The following ZNF280D variants were observed in gnomAD, a reference collection of about 807,000 sequenced individuals.
The protein encoded by ZNF280D is zinc finger protein 280D.
In ZNF280D, 39 loss-of-function variants were observed where a neutral mutation model predicts 94.7. That is an observed-to-expected ratio of 0.41 (90% CI 0.32 to 0.54). The LOEUF (loss-of-function observed/expected upper bound fraction) is 0.54. ZNF280D is among the 20% of genes least tolerant of loss of function. The probability of loss-of-function intolerance (pLI) is 0.22; values close to 1 mark genes in which losing one functional copy is unlikely to be tolerated. For missense variants in ZNF280D, 1,090 were observed against 1,149.3 expected, an observed-to-expected ratio of 0.95 and a Z score of 0.75; for synonymous variants, 398 against 377.6, an observed-to-expected ratio of 1.05 and a Z score of -0.63.
At chr15:56,672,880 C>T (rs1339811369) in intron 13 of ZNF280D, among the ~76,000 whole-genome samples, 1 of 151,670 alleles carries the variant, frequency 6.6e-6, no homozygotes, top group Non-Finnish European at 1.5e-5. Flanking sequence ...CTCACTCTGT[C>T]ATCCAGGCTG....
intron 1 of ZNF280D, among the ~76,000 whole-genome samples, chr15:56,721,584 A>G (rs2058361657): frequency 6.6e-6 from 1 of 152,122 alleles, no homozygotes; most frequent in Admixed American, 6.5e-5. Context: ...TTCATCTTAT[A>G]CTTTTATGTT....
At chr15:56,684,890 G>T (rs529056091) in intron 9 of ZNF280D, among the ~76,000 whole-genome samples, 1 of 151,732 alleles carries the variant, frequency 6.6e-6, no homozygotes, top group Non-Finnish European at 1.5e-5. Context: ...ATGCCAGAGA[G>T]GACTCACCCA....
Position 56,703,618 on chromosome 15 carries a change from C to T in ZNF280D, c.175+503G>A, listed in dbSNP as rs111486905. Among the ~76,000 whole-genome samples, 57 of 152,188 alleles carry T rather than the reference C, an allele frequency of 3.7e-4. 1 individual carries two copies. The highest frequency in any genetic ancestry group is 1.3e-3 in the African/African-American group (55 of 41,526). Reference sequence around the variant, plus strand: ...CCTGTAATTTTAGCACTTGGGGAGTCCAAGGCAGGTGGATCATTTGAGCTC... The same window carrying T: ...CCTGTAATTTTAGCACTTGGGGAGTTCAAGGCAGGTGGATCATTTGAGCTC... On this transcript the variant is annotated intron_variant, in intron 4 of 21. Transcript: ENST00000267807.
intron 14 of ZNF280D, 120 bp downstream of exon 14, chr15:56,668,703 A>G: frequency 1.0e-6 from 1 of 956,188 alleles, no homozygotes; most frequent in Non-Finnish European, 1.5e-6. Context: ...ATTAAAACCT[A>G]AAATTAGAGT....
chr15:56,659,556 A>G (rs1348648408), intron 16 of ZNF280D, among the ~76,000 whole-genome samples: 5 of 152,206 alleles, frequency 3.3e-5, no homozygotes, highest in Admixed American at 2.6e-4. Flanking sequence ...ATAAACCTTT[A>G]TTATACATAG....
Position 56,631,660 on chromosome 15 carries a change from TACC to T in ZNF280D, c.2775_2777del (p.Val926del). On this transcript the variant is annotated inframe_deletion, in exon 22 of 22. Transcript: ENST00000267807. ...GAATCTCTGTGGCTTCATACTCAAGTACCTCGGATGGAGTCAGAGGTTCCAAAT... is the reference window on the plus strand; with the variant it reads ...GAATCTCTGTGGCTTCATACTCAAGTTCGGATGGAGTCAGAGGTTCCAAAT... The T allele has an allele frequency of 6.2e-7, 1 of 1,614,170 alleles. No individual in the cohort carries two copies. Among genetic ancestry groups the T allele is most frequent in the Non-Finnish European group, 8.5e-7 (1 of 1,180,018 alleles).
chr15:56,715,641 A>T (rs1020050201), intron 1 of ZNF280D, among the ~76,000 whole-genome samples: 6 of 152,172 alleles, frequency 3.9e-5, no homozygotes, highest in Admixed American at 1.3e-4. Flanking sequence ...GGAATATGTT[A>T]ATTAAATAAA....
intron 13 of ZNF280D, among the ~76,000 whole-genome samples, chr15:56,670,662 A>T (rs1038504613): frequency 3.3e-5 from 5 of 151,902 alleles, no homozygotes; most frequent in Admixed American, 2.0e-4. Context: ...ATGTGTGCAT[A>T]TGTCTTAACA....
intron 10 of ZNF280D, among the ~76,000 whole-genome samples, chr15:56,679,295 A>C (rs1338538822): frequency 6.6e-6 from 1 of 152,218 alleles, no homozygotes; most frequent in African/African-American, 2.4e-5. Context: ...AAATCTTTTA[A>C]GGCCTTGAAA....
chr15:56,663,739 C>T (rs762840396), intron 16 of ZNF280D, among the ~76,000 whole-genome samples: 1 of 152,040 alleles, frequency 6.6e-6, no homozygotes, highest in Non-Finnish European at 1.5e-5. Flanking sequence ...GTTCCCATCA[C>T]AAAGAAATGA....
chr15:56,701,228 G>C lies in ZNF280D; in HGVS notation c.186C>G (p.Asn62Lys). The change falls in exon 5 of 22, where the codon AAC becomes AAG. Residue 62 changes from asparagine to lysine, a missense_variant. Around this residue, in one of 3 missense-constraint regions of ZNF280D, gnomAD observed 386 missense variants for 372.0 expected, o/e 1.04. Coordinates refer to ENST00000267807, the MANE Select transcript of ZNF280D (RefSeq NM_017661.4). ...TTGAATATGAGCTGGGGTTAACTCT[G>C]TTCAAAATATCTATAAAAGATTATA... is the stretch of plus-strand genomic sequence containing the variant. ...SSKPAISNIL[N>K]RVNPSSYSRG... is the part of the protein sequence containing the mutation. 6 of 1,549,494 alleles carry C rather than the reference G, an allele frequency of 3.9e-6. No individual in the cohort carries two copies. The highest frequency in any genetic ancestry group is 5.3e-6 in the Non-Finnish European group (6 of 1,140,962).
chr15:56,648,964 C>T (rs1052913448), intron 19 of ZNF280D, among the ~76,000 whole-genome samples: 1 of 152,054 alleles, frequency 6.6e-6, no homozygotes, highest in Admixed American at 6.6e-5. Flanking sequence ...AATCTTAGAA[C>T]ACCAGGGTAT....
chr15:56,630,481 T>C lies in ZNF280D; in HGVS notation c.*1017A>G, dbSNP rs988800768. On this transcript the variant is annotated 3_prime_UTR_variant, in exon 22 of 22. Transcript: ENST00000267807. ...GCTAAATTTCCAAAACCAGTTCTTTTACATCACTGTTTTAGGTCCCATTTG... is the reference window on the plus strand; with the variant it reads ...GCTAAATTTCCAAAACCAGTTCTTTCACATCACTGTTTTAGGTCCCATTTG... 3.3e-5 allele frequency: 5 copies of C among 152,176 alleles called. No individual in the cohort carries two copies. Among genetic ancestry groups the C allele is most frequent in the African/African-American group, 1.2e-4 (5 of 41,466 alleles). 9.4% of individuals were successfully genotyped at this position (152,176 alleles called of 1,614,324 possible).
At chr15:56,702,291 C>T (rs865965894) in intron 4 of ZNF280D, among the ~76,000 whole-genome samples, 1 of 152,156 alleles carries the variant, frequency 6.6e-6, no homozygotes, top group Non-Finnish European at 1.5e-5. Flanking sequence ...AGAGCTATTG[C>T]TGTAGTACTA....
intron 1 of ZNF280D, among the ~76,000 whole-genome samples, chr15:56,728,297 G>A (rs1421583790): frequency 2.6e-5 from 4 of 152,162 alleles, no homozygotes; most frequent in African/African-American, 9.7e-5. Context: ...TGGGATTACA[G>A]GCATAAGCCA....
At chr15:56,699,674 A>C (rs548212154) in intron 6 of ZNF280D, 50 of 754,600 alleles carry the variant, frequency 6.6e-5, no homozygotes, top group Non-Finnish European at 7.9e-5. Context: ...GTAACAACAA[A>C]AAAAAATCAG....
At chr15:56,677,719 T>C (rs754210012) in intron 11 of ZNF280D, 45 bp from the exon 12 acceptor site, 3 of 803,848 alleles carry the variant, frequency 3.7e-6, no homozygotes, top group East Asian at 7.8e-5. Context: ...AAGATATTAA[T>C]ATAAAAATTA....
intron 6 of ZNF280D, among the ~76,000 whole-genome samples, chr15:56,696,072 C>A (rs572702937): frequency 6.6e-6 from 1 of 152,094 alleles, no homozygotes; most frequent in African/African-American, 2.4e-5. Flanking sequence ...TAAGAAGTTA[C>A]GGAAACAAGC....
At chr15:56,655,891 C>A (rs1424708577) in intron 17 of ZNF280D, among the ~76,000 whole-genome samples, 1 of 152,152 alleles carries the variant, frequency 6.6e-6, no homozygotes, top group Non-Finnish European at 1.5e-5. Context: ...ATTAAATGTA[C>A]AAATGATGTT....
Sources: allele counts gnomAD v4.1 joint callset (sites outside exome capture counted in the v4.1 genomes callset), GRCh38; gene constraint gnomAD v4.1.1; regional missense constraint gnomAD v4.1.1; transcripts MANE v1.5; gene names NCBI Gene and HGNC (gene_info 2026-07-23, HGNC 2026-07-21).